Variants in ELAVL4 observed in about 807,000 individuals in gnomAD.
The protein encoded by ELAVL4 is ELAV-like protein 4.
ELAVL4 carries 1 observed loss-of-function variant against 35.6 expected under a neutral mutation model. The ratio of observed to expected loss-of-function variants is 0.03; its 90% CI spans 0.01 to 0.13. The LOEUF (loss-of-function observed/expected upper bound fraction) is 0.13, where lower values mean the gene tolerates loss of function less well. ELAVL4 is among the 10% of genes least tolerant of loss of function. ELAVL4 has a pLI of 1.00. For missense variants in ELAVL4, 267 were observed against 464.9 expected (o/e 0.57, Z 3.91); for synonymous variants, 156 against 171.0 (o/e 0.91, Z 0.69).
At chr1:50,147,755 A>G (rs1365726158) in intron 2 of ELAVL4, among the ~76,000 whole-genome samples, 1 of 152,122 alleles carries the variant, frequency 6.6e-6, no homozygotes, top group African/African-American at 2.4e-5. Context: ...GAAGTTTACA[A>G]GGAGTTCTAA....
chr1:50,107,358 G>T (rs987870440), upstream of ELAVL4, among the ~76,000 whole-genome samples: 1 of 152,102 alleles, frequency 6.6e-6, no homozygotes, highest in Non-Finnish European at 1.5e-5. Context: ...ATAGCTGAAC[G>T]TATTCATACT....
intron 1 of ELAVL4, among the ~76,000 whole-genome samples, chr1:50,114,679 T>C (rs1454323684): frequency 2.6e-5 from 4 of 152,268 alleles, no homozygotes. Context: ...ACCTTGACTT[T>C]GCAGGTCCAT....
chr1:50,070,038 T>C (rs868071594), intron 1 of ELAVL4, among the ~76,000 whole-genome samples: 10 of 152,246 alleles, frequency 6.6e-5, no homozygotes, highest in African/African-American at 2.4e-4. Context: ...TATAGAAGTG[T>C]GCAGGGAATA....
intron 1 of ELAVL4, chr1:50,109,717 T>A (rs763508181): frequency 1.4e-4 from 82 of 566,534 alleles, no homozygotes; most frequent in Non-Finnish European, 2.2e-4. Context: ...AAGAGAGTGA[T>A]TTATTTGGGC....
At chr1:50,118,793 A>G (rs1266914368) in intron 1 of ELAVL4, among the ~76,000 whole-genome samples, 1 of 151,988 alleles carries the variant, frequency 6.6e-6, no homozygotes, top group African/African-American at 2.4e-5. Flanking sequence ...ATCTTGAAAC[A>G]CCGATTTTGA....
chr1:50,088,582 T>G (rs1184574303), intron 1 of ELAVL4, among the ~76,000 whole-genome samples: 1 of 152,180 alleles, frequency 6.6e-6, no homozygotes, highest in African/African-American at 2.4e-5. Flanking sequence ...TTTAATTCAA[T>G]CTCGGACAAA....
upstream of ELAVL4, among the ~76,000 whole-genome samples, chr1:50,102,301 A>T (rs200699824): frequency 1.7e-4 from 3 of 17,304 alleles, no homozygotes; most frequent in Non-Finnish European, 1.6e-3. Context: ...TAAAATAATA[A>T]AATAAAATAA....
chr1:50,194,681 G>A (rs1643914748), intron 4 of ELAVL4, among the ~76,000 whole-genome samples: 2 of 152,312 alleles, frequency 1.3e-5, no homozygotes, highest in African/African-American at 2.4e-5. Context: ...ACCCTTACAG[G>A]ACTCCAGTGT....
intron 4 of ELAVL4, among the ~76,000 whole-genome samples, 194 bp downstream of exon 4, chr1:50,194,112 T>A (rs1683079843): frequency 6.6e-6 from 1 of 152,158 alleles, no homozygotes; most frequent in Non-Finnish European, 1.5e-5. Context: ...AGGTAGGAGT[T>A]CTCCATCATG....
At chr1:50,119,403 G>T (rs1668647221) in intron 1 of ELAVL4, among the ~76,000 whole-genome samples, 1 of 152,200 alleles carries the variant, frequency 6.6e-6, no homozygotes, top group Non-Finnish European at 1.5e-5. Context: ...AAAAAGAAAT[G>T]ATTTACTGAT....
At chr1:50,199,740 A>G (rs1557871639) in intron 6 of ELAVL4, among the ~76,000 whole-genome samples, 1 of 152,090 alleles carries the variant, frequency 6.6e-6, no homozygotes, top group Non-Finnish European at 1.5e-5. Context: ...GAAAGAAAAA[A>G]AAAGAAAAAA....
chr1:50,179,851 T>C (rs2148838351), intron 3 of ELAVL4: 1 of 152,324 alleles, frequency 6.6e-6, no homozygotes, highest in Middle Eastern at 3.4e-3. Context: ...ACAGCTGGAT[T>C]CAGGGAAGGT....
intron 1 of ELAVL4, among the ~76,000 whole-genome samples, chr1:50,115,847 G>T (rs1002405634): frequency 2.0e-5 from 3 of 152,068 alleles, no homozygotes; most frequent in African/African-American, 7.2e-5. Context: ...GGAATCCAAG[G>T]TCACCATTTC....
intron 1 of ELAVL4, among the ~76,000 whole-genome samples, chr1:50,137,666 G>C (rs140918168): frequency 6.6e-6 from 1 of 152,152 alleles, no homozygotes; most frequent in African/African-American, 2.4e-5. Flanking sequence ...ACATGCTGCT[G>C]TCTCTTCTCT....
intron 2 of ELAVL4, among the ~76,000 whole-genome samples, 168 bp downstream of exon 2, chr1:50,145,365 G>A (rs1673516029): frequency 6.6e-6 from 1 of 152,176 alleles, no homozygotes; most frequent in Non-Finnish European, 1.5e-5. Flanking sequence ...AGACCTTATT[G>A]TAGATTGGTA....
At chr1:50,106,591 C>T (rs80125092), upstream of ELAVL4, among the ~76,000 whole-genome samples, 2,280 of 152,190 alleles carry the variant, frequency 0.015, 25 homozygotes, top group Non-Finnish European at 0.023. Context: ...ACAAATGTCA[C>T]ATCACTGATG....
At chr1:50,106,918 G>T (rs1229501569), upstream of ELAVL4, among the ~76,000 whole-genome samples, 1 of 152,146 alleles carries the variant, frequency 6.6e-6, no homozygotes, top group East Asian at 1.9e-4. Flanking sequence ...TTCAATAAGT[G>T]TACTGAGGTT....
At chr1:50,106,436 A>T, upstream of ELAVL4, 1 of 1,526,804 alleles carries the variant, frequency 6.5e-7, no homozygotes, top group East Asian at 2.3e-5. Context: ...CAGTGCTGGG[A>T]TATCATTTTT....
chr1:50,138,217 G>T (rs1255848784), intron 1 of ELAVL4, among the ~76,000 whole-genome samples: 1 of 152,172 alleles, frequency 6.6e-6, no homozygotes, highest in East Asian at 1.9e-4. Context: ...ATCAAGAAGT[G>T]AAAGAGTGCT....
Sources: allele counts gnomAD v4.1 joint callset (sites outside exome capture counted in the v4.1 genomes callset), GRCh38; gene constraint gnomAD v4.1.1; transcripts MANE v1.5; gene names NCBI Gene and HGNC (gene_info 2026-07-23, HGNC 2026-07-21).